LSAMP: variants seen among roughly 807,000 people sequenced by gnomAD.
LSAMP encodes limbic system-associated membrane protein.
Under a neutral mutation model 38.6 loss-of-function variants are expected in LSAMP, and 7 were observed. That is an observed-to-expected ratio of 0.18 (90% confidence interval 0.10 to 0.34). LSAMP has a LOEUF of 0.34. Among genes scored for constraint, LSAMP ranks in the 10% least tolerant of loss-of-function variants. The probability of loss-of-function intolerance (pLI) is 1.00; values close to 1 mark genes in which losing one functional copy is unlikely to be tolerated. For synonymous variants in LSAMP, 154 were observed against 166.8 expected (o/e 0.92, Z 0.59); for missense variants, 313 against 420.0 (o/e 0.75, Z 2.23).
chr3:115,821,602 A>C (rs1272815357), intron 6 of LSAMP, among the ~76,000 whole-genome samples: 3 of 152,312 alleles, frequency 2.0e-5, no homozygotes, highest in Non-Finnish European at 4.4e-5. Flanking sequence ...TAACCCTCTG[A>C]TGTGCTGCAG....
chr3:116,099,650 C>A (rs1413636135), intron 1 of LSAMP, among the ~76,000 whole-genome samples: 1 of 152,130 alleles, frequency 6.6e-6, no homozygotes, highest in Non-Finnish European at 1.5e-5. Flanking sequence ...TTGTCACATC[C>A]AATGAATTTA....
At chr3:116,349,845 G>A (rs2048113666) in intron 1 of LSAMP, among the ~76,000 whole-genome samples, 1 of 151,942 alleles carries the variant, frequency 6.6e-6, no homozygotes, top group South Asian at 2.1e-4. Flanking sequence ...AAAAAAAGAA[G>A]ACGTTTGGGC....
intron 6 of LSAMP, among the ~76,000 whole-genome samples, chr3:115,836,899 G>C (rs1934806937): frequency 6.6e-6 from 1 of 151,944 alleles, no homozygotes; most frequent in African/African-American, 2.4e-5. Context: ...TCCCACTTCA[G>C]CCTCCTGCGT....
At chr3:116,071,033 T>G (rs35619123) in intron 2 of LSAMP, among the ~76,000 whole-genome samples, 23,133 of 148,666 alleles carry the variant, frequency 0.16, 1,877 homozygotes, top group Non-Finnish European at 0.17. Flanking sequence ...AGAATGAAAC[T>G]CCATCTCAAA....
intron 3 of LSAMP, among the ~76,000 whole-genome samples, chr3:115,885,269 A>T (rs1936422928): frequency 6.6e-6 from 1 of 151,868 alleles, no homozygotes; most frequent in Non-Finnish European, 1.5e-5. Context: ...TAGGAGAGAG[A>T]TTTATACACA....
At chr3:115,943,186 G>C (rs984542705) in intron 3 of LSAMP, among the ~76,000 whole-genome samples, 8 of 152,154 alleles carry the variant, frequency 5.3e-5, no homozygotes, top group Non-Finnish European at 8.8e-5. Context: ...AGCTAGTTAG[G>C]CAGCAGCACT....
chr3:115,934,124 G>C (rs115252477), intron 3 of LSAMP, among the ~76,000 whole-genome samples: 244 of 151,574 alleles, frequency 1.6e-3, no homozygotes, highest in African/African-American at 5.7e-3. Flanking sequence ...TCCTCAAATG[G>C]TTTCTCAAAT....
chr3:115,963,754 GTTTATTTA>G (rs1420476068), intron 3 of LSAMP, among the ~76,000 whole-genome samples: 1 of 152,040 alleles, frequency 6.6e-6, no homozygotes, highest in Admixed American at 6.6e-5. Context: ...TTTAATGTTG[GTTTATTTA>G]TTTATTTTTG....
chr3:116,330,258 G>T (rs750957622), intron 1 of LSAMP, among the ~76,000 whole-genome samples: 1 of 152,106 alleles, frequency 6.6e-6, no homozygotes, highest in Non-Finnish European at 1.5e-5. Flanking sequence ...AGTTAATTTT[G>T]ATCATTTTCA....
rs1217495193 is a variant in LSAMP, at chr3:116,115,889, C to G, written c.156-29333G>C. On this transcript the variant is annotated intron_variant, in intron 1 of 6. Transcript: ENST00000490035. Reference sequence around the variant, plus strand: ...ATTTTTCTTGGTTCTTCTCCTTATCCCATTATTCTGAAATTTTATACTTAA... The same window carrying G: ...ATTTTTCTTGGTTCTTCTCCTTATCGCATTATTCTGAAATTTTATACTTAA... 7.2e-5 allele frequency among the ~76,000 whole-genome samples: 11 copies of G among 151,894 alleles called. 1 individual carries two copies. The South Asian group carries it at 2.3e-3, about 32-fold the overall frequency.
At chr3:115,901,068 A>C (rs1224509625) in intron 3 of LSAMP, among the ~76,000 whole-genome samples, 1 of 152,068 alleles carries the variant, frequency 6.6e-6, no homozygotes, top group Non-Finnish European at 1.5e-5. Context: ...GCTCTGCTAT[A>C]CATGCTGAGT....
At chr3:116,333,376 T>C (rs1835672) in intron 1 of LSAMP, among the ~76,000 whole-genome samples, 9,594 of 151,740 alleles carry the variant, frequency 0.063, 424 homozygotes, top group African/African-American at 0.13. Context: ...CCTTCTCTAC[T>C]AAAAATGCAA....
intron 1 of LSAMP, among the ~76,000 whole-genome samples, chr3:116,337,806 G>A (rs1559832922): frequency 6.6e-6 from 1 of 152,032 alleles, no homozygotes; most frequent in Non-Finnish European, 1.5e-5. Flanking sequence ...ATGCAATGGA[G>A]TCAGTGAGCA....
intron 1 of LSAMP, among the ~76,000 whole-genome samples, chr3:116,247,816 C>A (rs1453212208): frequency 6.6e-6 from 1 of 152,102 alleles, no homozygotes; most frequent in Non-Finnish European, 1.5e-5. Context: ...AAAATAGGAA[C>A]CTGGCCAATG....
In LSAMP at chr3:115,806,034, T is replaced by TA. The variant is rs1933622388; in HGVS notation, c.*4282dup. 6.6e-6 allele frequency: 1 copy of TA among 152,146 alleles called. No homozygotes were observed. The highest frequency in any genetic ancestry group is 1.5e-5 in the Non-Finnish European group (1 of 68,010). 9.4% of individuals were successfully genotyped at this position (152,146 alleles called of 1,614,324 possible). On this transcript the variant is annotated 3_prime_UTR_variant, in exon 7 of 7. Transcript: ENST00000490035. Reference sequence around the variant, plus strand: ...TATAGCACTGTACTTACATTTCTCTTAAAAAATGATATTGGTAACCAAGAC... The same window carrying TA: ...TATAGCACTGTACTTACATTTCTCTTAAAAAAATGATATTGGTAACCAAGAC...
intron 3 of LSAMP, among the ~76,000 whole-genome samples, chr3:115,975,884 T>A (rs1939172438): frequency 6.6e-6 from 1 of 152,150 alleles, no homozygotes; most frequent in South Asian, 2.1e-4. Context: ...AAACTCAAAA[T>A]GTCCCAACTG....
At chr3:116,203,506 G>A (rs1034811761) in intron 1 of LSAMP, among the ~76,000 whole-genome samples, 1 of 150,330 alleles carries the variant, frequency 6.7e-6, no homozygotes, top group Non-Finnish European at 1.5e-5. Context: ...CCACTAACTC[G>A]TCATCTAGCA....
chr3:116,135,361 C>T (rs1263686516), intron 1 of LSAMP, among the ~76,000 whole-genome samples: 1 of 152,164 alleles, frequency 6.6e-6, no homozygotes. Flanking sequence ...AATTTCACAA[C>T]TGTGCTGTGA....
At chr3:116,052,871 C>A (rs1273765877) in intron 2 of LSAMP, among the ~76,000 whole-genome samples, 1 of 152,158 alleles carries the variant, frequency 6.6e-6, no homozygotes, top group Admixed American at 6.5e-5. Context: ...TAACCTGGTG[C>A]AGAGAATCAA....
Sources: allele counts gnomAD v4.1 joint callset (sites outside exome capture counted in the v4.1 genomes callset), GRCh38; gene constraint gnomAD v4.1.1; transcripts MANE v1.5; gene names NCBI Gene and HGNC (gene_info 2026-07-23, HGNC 2026-07-21).